Variants in MAN2B2 observed in about 807,000 individuals in gnomAD.
MAN2B2 encodes mannosidase alpha class 2B member 2.
MAN2B2 carries 106 observed loss-of-function variants against 117.1 expected under a neutral mutation model. The observed-to-expected ratio is 0.90, with a 90% CI of 0.77 to 1.06. The LOEUF is 1.06. Among genes scored for constraint, MAN2B2 ranks in the 50% least tolerant of loss-of-function variants. The pLI is 0.00. For synonymous variants in MAN2B2, 544 were observed against 595.1 expected (o/e 0.91, Z 1.25); for missense variants, 1,326 against 1,381.4 (o/e 0.96, Z 0.64).
At chr4:6,585,964 G>A (rs1318821838) in intron 3 of MAN2B2, among the ~76,000 whole-genome samples, 1 of 152,188 alleles carries the variant, frequency 6.6e-6, no homozygotes, top group Non-Finnish European at 1.5e-5. Flanking sequence ...GTGTTTGTTA[G>A]AAGTGAGTCA....
chr4:6,577,483 G>A (rs2108855310), intron 2 of MAN2B2, among the ~76,000 whole-genome samples: 1 of 152,334 alleles, frequency 6.6e-6, no homozygotes, highest in South Asian at 2.1e-4. Context: ...GCGTCCACCA[G>A]GCCCCGCCAG....
chr4:6,604,663 G>A (rs961589254), intron 10 of MAN2B2, among the ~76,000 whole-genome samples: 24 of 152,066 alleles, frequency 1.6e-4, no homozygotes, highest in African/African-American at 5.6e-4. Context: ...TGACATCCAC[G>A]TGGAGGCGTC....
At chr4:6,617,586 G>T in intron 17 of MAN2B2, 94 bp downstream of exon 17, 1 of 1,558,158 alleles carries the variant, frequency 6.4e-7, no homozygotes. Context: ...ATCCACGAGG[G>T]CTTCCTCCCA....
At chr4:6,599,410 C>T (rs976252893) in intron 9 of MAN2B2, among the ~76,000 whole-genome samples, 1 of 152,028 alleles carries the variant, frequency 6.6e-6, no homozygotes, top group African/African-American at 2.4e-5. Context: ...CACCTGTAAT[C>T]CCAGCACTTT....
At chr4:6,597,390 C>A in intron 8 of MAN2B2, 87 bp downstream of exon 8, 2 of 1,368,444 alleles carry the variant, frequency 1.5e-6, no homozygotes. Context: ...TCCTTCCAGC[C>A]CTGGGGCACT....
intron 4 of MAN2B2, 146 bp downstream of exon 4, chr4:6,587,314 C>CCTG: frequency 1.0e-6 from 1 of 1,000,550 alleles, no homozygotes; most frequent in South Asian, 1.8e-5. Context: ...GTCCCCTAAC[C>CCTG]TTTGCTCTTG....
At chr4:6,593,613 G>A (rs149573323) in intron 6 of MAN2B2, among the ~76,000 whole-genome samples, 20 of 152,284 alleles carry the variant, frequency 1.3e-4, no homozygotes, top group African/African-American at 4.1e-4. Context: ...GCTGGCTCCC[G>A]GCTCGGGCAC....
chr4:6,590,203 C>A (rs1350782851), intron 5 of MAN2B2, among the ~76,000 whole-genome samples: 2 of 151,850 alleles, frequency 1.3e-5, no homozygotes, highest in African/African-American at 4.8e-5. Context: ...AAAACCCCGT[C>A]TCTACTGAAA....
intron 3 of MAN2B2, among the ~76,000 whole-genome samples, chr4:6,584,070 A>G (rs936676730): frequency 6.6e-6 from 1 of 152,212 alleles, no homozygotes; most frequent in East Asian, 1.9e-4. Flanking sequence ...GTGGACCATC[A>G]GGAAATGCCC....
chr4:6,619,837 C>A, intron 17 of MAN2B2, 90 bp from the exon 18 acceptor site: 3 of 1,152,082 alleles, frequency 2.6e-6, no homozygotes, highest in South Asian at 1.3e-5. Context: ...ACACCGAGTT[C>A]GTGGTGTGTC....
chr4:6,579,470 A>C (rs1726339992), intron 3 of MAN2B2, among the ~76,000 whole-genome samples: 1 of 127,368 alleles, frequency 7.9e-6, no homozygotes, highest in Non-Finnish European at 1.7e-5. Context: ...TCACCACCAC[A>C]ATGACCATCA....
At chr4:6,576,457 G>C in intron 1 of MAN2B2, 121 bp from the exon 2 acceptor site, 2 of 1,165,008 alleles carry the variant, frequency 1.7e-6, no homozygotes, top group Non-Finnish European at 2.5e-6. Context: ...TGGGGGGTGA[G>C]CAGCAGGGAA....
At chr4:6,594,495 G>T in intron 6 of MAN2B2, 39 bp from the exon 7 acceptor site, 1 of 1,602,390 alleles carries the variant, frequency 6.2e-7, no homozygotes, top group African/African-American at 1.3e-5. Flanking sequence ...CGAGCGCCCT[G>T]CTCCCACGGC....
chr4:6,595,430 TG>T (rs1727041698), intron 7 of MAN2B2, among the ~76,000 whole-genome samples: 1 of 152,188 alleles, frequency 6.6e-6, no homozygotes, highest in Non-Finnish European at 1.5e-5. Context: ...TACCACAGAA[TG>T]GGTCATTGAT....
Position 6,576,623 on chromosome 4 carries a change from G to A in MAN2B2, c.184G>A (p.Glu62Lys), listed in dbSNP as rs1282241517. 2 of 1,613,302 alleles carry A rather than the reference G, an allele frequency of 1.2e-6. No homozygotes were observed. Among genetic ancestry groups the A allele is most frequent in the Admixed American group, 3.3e-5 (2 of 60,018 alleles). The change falls in exon 2 of 19, where the codon GAA (glutamate) becomes AAA (lysine). Residue 62 changes from glutamate (E) to lysine (K), a missense_variant. By Grantham distance (56) the Glu-to-Lys change is moderately conservative. Coordinates refer to ENST00000285599, the MANE Select transcript of MAN2B2 (RefSeq NM_015274.3). The part of the protein sequence containing the change: ...YAANVYTSVV[E>K]ELARGQQRRF... Reference sequence around the variant, plus strand: ...CGCCAATGTCTACACCTCAGTGGTGGAAGAGCTGGCCCGCGGCCAGCAGCG... The same window carrying A: ...CGCCAATGTCTACACCTCAGTGGTGAAAGAGCTGGCCCGCGGCCAGCAGCG...
intron 3 of MAN2B2, among the ~76,000 whole-genome samples, chr4:6,586,382 C>T (rs1219603784): frequency 6.6e-6 from 1 of 152,206 alleles, no homozygotes; most frequent in African/African-American, 2.4e-5. Flanking sequence ...TGAACCACCG[C>T]ACACTTAGGT....
At chr4:6,586,973 G>T (rs1163927716) in intron 3 of MAN2B2, 23 bp from the exon 4 acceptor site, 1 of 1,603,792 alleles carries the variant, frequency 6.2e-7, no homozygotes. Context: ...CCAGGCACCA[G>T]CAGGGTGTTG....
chr4:6,598,096 TG>T, intron 8 of MAN2B2, 101 bp from the exon 9 acceptor site: 1 of 1,360,068 alleles, frequency 7.4e-7, no homozygotes, highest in Non-Finnish European at 1.0e-6. Context: ...CACTGGCACC[TG>T]GCAAGCCAGA....
intron 11 of MAN2B2, among the ~76,000 whole-genome samples, chr4:6,607,189 AT>A (rs774302767): frequency 6.6e-6 from 1 of 151,742 alleles, no homozygotes; most frequent in Non-Finnish European, 1.5e-5. Context: ...CACTTCACAT[AT>A]TTTTCCCCCT....
Sources: gnomAD v4.1 joint callset for allele counts (sites outside exome capture counted in the v4.1 genomes callset) on GRCh38, gnomAD v4.1.1 for gene constraint, MANE v1.5 for transcripts, NCBI Gene and HGNC (gene_info 2026-07-23, HGNC 2026-07-21) for gene names.